EOGT: variants seen among roughly 807,000 people sequenced by gnomAD.
The protein encoded by EOGT is EGF domain specific O-linked N-acetylglucosamine transferase.
In EOGT, 55 loss-of-function variants were observed where a neutral mutation model predicts 70.5. The ratio of observed to expected loss-of-function variants is 0.78; its 90% CI spans 0.63 to 0.98. EOGT has a LOEUF of 0.98. Among genes scored for constraint, EOGT ranks in the 50% least tolerant of loss-of-function variants. EOGT has a pLI of 0.00. For missense variants in EOGT, 703 were observed against 641.9 expected, an observed-to-expected ratio of 1.10 and a Z score of -1.03; for synonymous variants, 246 against 217.1, an observed-to-expected ratio of 1.13 and a Z score of -1.17.
intron 1 of EOGT, among the ~76,000 whole-genome samples, chr3:69,013,184 G>A (rs1463589522): frequency 2.0e-5 from 3 of 152,006 alleles, no homozygotes; most frequent in Non-Finnish European, 4.4e-5. Context: ...GCGCCGCCAG[G>A]GATTGCTTCG....
intron 3 of EOGT, among the ~76,000 whole-genome samples, chr3:69,010,258 T>A (rs961244065): frequency 6.6e-6 from 1 of 152,202 alleles, no homozygotes; most frequent in Non-Finnish European, 1.5e-5. Context: ...TTGCCAGACA[T>A]AAGATCTCTG....
intron 14 of EOGT, 129 bp from the exon 15 acceptor site, chr3:68,983,001 C>A: frequency 3.7e-6 from 2 of 547,392 alleles, no homozygotes; most frequent in South Asian, 2.4e-5. Context: ...GTAACAACAA[C>A]AACAAATAAA....
intron 9 of EOGT, among the ~76,000 whole-genome samples, chr3:69,000,025 C>A (rs2091254940): frequency 6.6e-6 from 1 of 151,988 alleles, no homozygotes; most frequent in South Asian, 2.1e-4. Flanking sequence ...AGTTCAAGAC[C>A]AGTCTGAGCA....
chr3:68,987,373 G>GAAA, intron 14 of EOGT, 72 bp downstream of exon 14: 71 of 989,228 alleles, frequency 7.2e-5, no homozygotes, highest in Non-Finnish European at 8.5e-5. Flanking sequence ...AACGTAATGT[G>GAAA]AAAAAAAAAA....
rs766271301 is a variant in EOGT at position 69,004,490 on chromosome 3, A to G, written c.516-8T>C. 55 of 1,592,228 alleles carry G rather than the reference A, an allele frequency of 3.5e-5. No homozygotes were observed. The highest frequency in any genetic ancestry group is 9.5e-6 in the Non-Finnish European group (11 of 1,160,580). ...AAAAAGTCCTCCTTAAATCTGGTAT[A>G]TAACAAAACATTAAGTTAAGTTCAG... On this transcript the variant is annotated splice_polypyrimidine_tract_variant and splice_region_variant and intron_variant, in intron 7 of 17. Transcript: ENST00000383701.
intron 10 of EOGT, among the ~76,000 whole-genome samples, chr3:68,994,357 T>C (rs2091085226): frequency 6.6e-6 from 1 of 151,950 alleles, no homozygotes; most frequent in Middle Eastern, 3.2e-3. Flanking sequence ...AAGAGAGTCC[T>C]GCAAGGGACT....
At chr3:68,978,894 A>C (rs188255208) in intron 16 of EOGT, among the ~76,000 whole-genome samples, 1 of 152,178 alleles carries the variant, frequency 6.6e-6, no homozygotes, top group Non-Finnish European at 1.5e-5. Context: ...TTCTCTCTCT[A>C]TAAGAGAAAT....
intron 15 of EOGT, among the ~76,000 whole-genome samples, chr3:68,982,199 G>T (rs997483068): frequency 6.6e-6 from 1 of 152,106 alleles, no homozygotes; most frequent in South Asian, 2.1e-4. Context: ...GTGAGCCATC[G>T]TGGCCAGTCT....
intron 10 of EOGT, among the ~76,000 whole-genome samples, chr3:68,995,150 A>G (rs1163400409): frequency 6.6e-6 from 1 of 152,166 alleles, no homozygotes; most frequent in Non-Finnish European, 1.5e-5. Flanking sequence ...CAAGACCATC[A>G]GGACTCTGGC....
intron 15 of EOGT, among the ~76,000 whole-genome samples, chr3:68,981,100 T>C (rs1184523310): frequency 6.6e-6 from 1 of 152,210 alleles, no homozygotes; most frequent in Non-Finnish European, 1.5e-5. Flanking sequence ...AGATTTTACA[T>C]AATCTGTAAA....
rs56954853 is a variant in EOGT at position 69,009,932 on chromosome 3, AC to A, written c.-14-73del. On this transcript the variant is annotated intron_variant, in intron 3 of 17. Coordinates refer to ENST00000383701, the MANE Select transcript of EOGT (RefSeq NM_001278689.2). ...AGCCAAAACAACAACAACAACAACAACAAAAAAAAAAAAAAAACAAAGGGTC... is the reference window on the plus strand; with the variant it reads ...AGCCAAAACAACAACAACAACAACAAAAAAAAAAAAAAAAAACAAAGGGTC... The A allele has an allele frequency of 0.31, 142,174 of 452,190 alleles. 22,560 individuals carry two copies. The highest frequency in any genetic ancestry group is 0.38 in the Admixed American group (9,110 of 23,704). 28.0% of individuals were successfully genotyped at this position (452,190 alleles called of 1,614,324 possible).
intron 10 of EOGT, among the ~76,000 whole-genome samples, chr3:68,995,040 C>T (rs1201151698): frequency 6.6e-6 from 1 of 151,932 alleles, no homozygotes; most frequent in Non-Finnish European, 1.5e-5. Context: ...GAGGGAAAGG[C>T]CCCATAGGCT....
chr3:69,011,193 C>CCTTTTTTTTTT (rs2091564876), intron 3 of EOGT, among the ~76,000 whole-genome samples: 2 of 113,300 alleles, frequency 1.8e-5, no homozygotes, highest in East Asian at 5.3e-4. Flanking sequence ...GATCTTTGTT[C>CCTTTTTTTTTT]TTTTTTTTTT....
intron 11 of EOGT, 151 bp from the exon 12 acceptor site, chr3:68,988,728 T>G (rs1209701382): frequency 1.5e-6 from 1 of 647,734 alleles, no homozygotes; most frequent in African/African-American, 1.8e-5. Flanking sequence ...AGAATTCATA[T>G]TTTTGGAAAG....
chr3:69,006,679 T>G (rs950497041), intron 6 of EOGT, among the ~76,000 whole-genome samples: 1 of 152,234 alleles, frequency 6.6e-6, no homozygotes, highest in African/African-American at 2.4e-5. Context: ...AAGGAAAGCC[T>G]AAGTACCTTG....
At chr3:68,982,311 C>T (rs1003802415) in intron 15 of EOGT, among the ~76,000 whole-genome samples, 5 of 151,846 alleles carry the variant, frequency 3.3e-5, no homozygotes, top group Admixed American at 1.3e-4. Context: ...CTTGAGGTCA[C>T]GACTTCAAGA....
At chr3:68,988,101 G>C (rs1485680460) in intron 13 of EOGT, among the ~76,000 whole-genome samples, 194 bp downstream of exon 13, 1 of 152,196 alleles carries the variant, frequency 6.6e-6, no homozygotes, top group African/African-American at 2.4e-5. Flanking sequence ...TTTTTGCAGA[G>C]ATGGGGTTTT....
At chr3:68,988,201 TCTC>T in intron 13 of EOGT, 91 bp downstream of exon 13, 2 of 868,986 alleles carry the variant, frequency 2.3e-6, no homozygotes, top group Non-Finnish European at 3.5e-6. Context: ...AAAAACATGG[TCTC>T]CTGATTATTT....
chr3:68,985,571 A>T (rs1182042190), intron 14 of EOGT, among the ~76,000 whole-genome samples: 2 of 152,170 alleles, frequency 1.3e-5, no homozygotes, highest in Non-Finnish European at 2.9e-5. Flanking sequence ...GCCTTCTCTA[A>T]TGTGAATGTA....
Sources: gnomAD v4.1 joint callset for allele counts (sites outside exome capture counted in the v4.1 genomes callset) on GRCh38, gnomAD v4.1.1 for gene constraint, MANE v1.5 for transcripts, NCBI Gene and HGNC (gene_info 2026-07-23, HGNC 2026-07-21) for gene names.